The following CES5A variants were observed in gnomAD, a reference collection of about 807,000 sequenced individuals.
The protein encoded by CES5A is carboxylesterase 5A.
CES5A carries 67 observed loss-of-function variants against 62.9 expected under a neutral mutation model. That is an observed-to-expected ratio of 1.07 (90% CI 0.88 to 1.31). The LOEUF (loss-of-function observed/expected upper bound fraction) is 1.31, where lower values mean the gene tolerates loss of function less well. Among genes scored for constraint, CES5A ranks in the 50% most tolerant of loss-of-function variants. The pLI is 0.00. For missense variants in CES5A, 748 were observed against 708.5 expected, an observed-to-expected ratio of 1.06 and a Z score of -0.63; for synonymous variants, 296 against 280.8, an observed-to-expected ratio of 1.05 and a Z score of -0.54.
At chr16:55,935,402 C>G (rs1388284874) in intron 2 of CES5A, among the ~76,000 whole-genome samples, 1 of 152,208 alleles carries the variant, frequency 6.6e-6, no homozygotes, top group African/African-American at 2.4e-5. Flanking sequence ...TTAGGAAGGG[C>G]AATCTGCTTT....
At chr16:55,938,992 A>T (rs2034418602) in intron 2 of CES5A, among the ~76,000 whole-genome samples, 1 of 151,400 alleles carries the variant, frequency 6.6e-6, no homozygotes, top group Non-Finnish European at 1.5e-5. Context: ...AGAATGTGGG[A>T]GATGATTACT....
intron 11 of CES5A, 83 bp downstream of exon 11, chr16:55,849,541 C>A (rs938375444): frequency 4.7e-6 from 7 of 1,482,766 alleles, no homozygotes; most frequent in East Asian, 4.6e-5. Flanking sequence ...TAAATGCCAA[C>A]CCCGAAGTCC....
Position 55,873,924 on chromosome 16 carries a change from C to T in CES5A, c.187G>A (p.Ala63Thr). 1 of 1,613,894 alleles carries T rather than the reference C, an allele frequency of 6.2e-7. No individual in the cohort carries two copies. The highest frequency in any genetic ancestry group is 2.2e-5 in the East Asian group (1 of 44,872). ...PVNVFLGVPF[A>T]APPLGSLRFT... Reference sequence around the variant, plus strand: ...CGCAGGGATCCCAGCGGGGGAGCAGCAAAGGGGACTCCGAGGAACACGTTC... The same window carrying T: ...CGCAGGGATCCCAGCGGGGGAGCAGTAAAGGGGACTCCGAGGAACACGTTC... The change falls in exon 2 of 13, where the codon GCT (alanine) becomes ACT (threonine). Residue 63 changes from alanine (A) to threonine (T), a missense_variant. Transcript: ENST00000290567.
chr16:55,866,658 T>TAAA (rs369679801), intron 4 of CES5A, among the ~76,000 whole-genome samples: 2,425 of 82,754 alleles, frequency 0.029, 127 homozygotes, highest in African/African-American at 0.098. Flanking sequence ...CTGTCTCTGC[T>TAAA]AAAAAAAAAA....
chr16:55,943,478 A>T lies in CES5A; in HGVS notation c.160+6307T>A, dbSNP rs144124063. 3.5e-4 allele frequency among the ~76,000 whole-genome samples: 53 copies of T among 152,334 alleles called. No individual in the cohort carries two copies. In the East Asian group the frequency reaches 9.1e-3, roughly 26 times the overall value. On this transcript the variant is annotated intron_variant, in intron 2 of 13. Transcript: ENST00000521992. ...TCCCTTTCTCTCTGGCATTACAGAGATCCCCAGGGGCACAGTAAATGTCAG... is the reference window on the plus strand; with the variant it reads ...TCCCTTTCTCTCTGGCATTACAGAGTTCCCCAGGGGCACAGTAAATGTCAG...
intron 1 of CES5A, among the ~76,000 whole-genome samples, chr16:55,904,810 C>A (rs1171975886): frequency 1.3e-5 from 2 of 152,098 alleles, no homozygotes; most frequent in South Asian, 4.1e-4. Context: ...AGTCTCAGGT[C>A]GGGCCTCCCC....
At chr16:55,874,932 CA>C (rs1405754168) in intron 1 of CES5A, among the ~76,000 whole-genome samples, 1 of 152,212 alleles carries the variant, frequency 6.6e-6, no homozygotes, top group Non-Finnish European at 1.5e-5. Context: ...GTGAGCAACC[CA>C]AAGGCAGAAC....
chr16:55,879,872 G>A (rs1015887073), upstream of CES5A, among the ~76,000 whole-genome samples: 1 of 152,110 alleles, frequency 6.6e-6, no homozygotes, highest in Non-Finnish European at 1.5e-5. Flanking sequence ...GGATTACAGG[G>A]GTGTGGCCAG....
chr16:55,918,207 T>C (rs1341313108), intron 1 of CES5A, among the ~76,000 whole-genome samples: 1 of 152,092 alleles, frequency 6.6e-6, no homozygotes, highest in African/African-American at 2.4e-5. Context: ...AAGGCTCACC[T>C]CCAGAGGCAT....
intron 1 of CES5A, among the ~76,000 whole-genome samples, chr16:55,917,758 G>C (rs2034162259): frequency 6.6e-6 from 1 of 152,148 alleles, no homozygotes; most frequent in Admixed American, 6.5e-5. Context: ...CACACTCAAG[G>C]ATAGCGAATT....
upstream of CES5A, among the ~76,000 whole-genome samples, chr16:55,927,197 T>G (rs2034265918): frequency 6.6e-6 from 1 of 152,150 alleles, no homozygotes; most frequent in African/African-American, 2.4e-5. Flanking sequence ...TTCTGGACAT[T>G]GACCCAGGCA....
chr16:55,864,574 A>C (rs2033417361), intron 5 of CES5A, among the ~76,000 whole-genome samples: 2 of 152,190 alleles, frequency 1.3e-5, no homozygotes, highest in Non-Finnish European at 2.9e-5. Context: ...CTGGAAAAAA[A>C]ATTCTTGATA....
intron 1 of CES5A, among the ~76,000 whole-genome samples, chr16:55,887,556 G>A (rs1471500244): frequency 6.6e-6 from 1 of 152,072 alleles, no homozygotes; most frequent in Non-Finnish European, 1.5e-5. Flanking sequence ...AGGTAGACTT[G>A]GACTCAGGCC....
At chr16:55,934,536 C>T (rs1015202954) in intron 2 of CES5A, among the ~76,000 whole-genome samples, 1 of 152,152 alleles carries the variant, frequency 6.6e-6, no homozygotes, top group Non-Finnish European at 1.5e-5. Context: ...GTGCTTGACC[C>T]ATAGTAGATT....
intron 8 of CES5A, among the ~76,000 whole-genome samples, chr16:55,859,292 C>G (rs1294680347): frequency 1.3e-5 from 2 of 152,206 alleles, no homozygotes; most frequent in African/African-American, 2.4e-5. Flanking sequence ...ATGGACCGAT[C>G]CCCTCTTTCC....
intron 2 of CES5A, among the ~76,000 whole-genome samples, chr16:55,948,664 G>A (rs2034522544): frequency 2.0e-5 from 3 of 152,168 alleles, no homozygotes; most frequent in African/African-American, 7.2e-5. Flanking sequence ...GACATGCTGA[G>A]TTGAGGGTCC....
intron 1 of CES5A, among the ~76,000 whole-genome samples, chr16:55,904,811 G>A (rs79536276): frequency 0.016 from 2,396 of 152,108 alleles, 24 homozygotes; most frequent in Middle Eastern, 0.051. Context: ...GTCTCAGGTC[G>A]GGCCTCCCCT....
intron 1 of CES5A, among the ~76,000 whole-genome samples, chr16:55,919,559 G>T (rs2142457887): frequency 6.6e-6 from 1 of 152,224 alleles, no homozygotes; most frequent in South Asian, 2.1e-4. Context: ...ACCTCCCTTT[G>T]TCTCTTTACC....
At chr16:55,930,365 G>A (rs1302046974), upstream of CES5A, among the ~76,000 whole-genome samples, 1 of 152,138 alleles carries the variant, frequency 6.6e-6, no homozygotes, top group Non-Finnish European at 1.5e-5. Context: ...CTCCGAATAT[G>A]CTGTTCCCTC....
Sources: allele counts gnomAD v4.1 joint callset (sites outside exome capture counted in the v4.1 genomes callset), GRCh38; gene constraint gnomAD v4.1.1; transcripts MANE v1.5; gene names NCBI Gene and HGNC (gene_info 2026-07-23, HGNC 2026-07-21).